FNDC1: variants seen among roughly 807,000 people sequenced by gnomAD.
FNDC1 encodes the protein fibronectin type III domain containing 1.
Under a neutral mutation model 168.0 loss-of-function variants are expected in FNDC1, and 96 were observed. The ratio of observed to expected loss-of-function variants is 0.57; its 90% CI spans 0.48 to 0.68. The LOEUF is 0.68. Ranked by LOEUF, FNDC1 falls within the 30% of genes least tolerant of loss-of-function variation. FNDC1 has a pLI of 0.00. For missense variants in FNDC1, 2,587 were observed against 2,482.1 expected (o/e 1.04, Z -0.90); for synonymous variants, 1,099 against 1,025.9 (o/e 1.07, Z -1.36).
intron 1 of FNDC1, among the ~76,000 whole-genome samples, chr6:159,177,532 G>A (rs938919189): frequency 1.3e-5 from 2 of 152,048 alleles, no homozygotes; most frequent in African/African-American, 2.4e-5. Context: ...GGCAGGGGAG[G>A]GCAGGACCTG....
chr6:159,256,247 T>C lies in FNDC1; in HGVS notation c.5066-276T>C, dbSNP rs139669394. On this transcript the variant is annotated intron_variant, in intron 17 of 22. Transcript: ENST00000297267. ...TGTGATCAAGATGAGACGTGATTAG[T>C]TCTGAGGCGATGGGGAAGGCTGGGG... Among the ~76,000 whole-genome samples the C allele has an allele frequency of 7.2e-5, 11 of 152,326 alleles. No homozygotes were observed. In the East Asian group the frequency reaches 1.9e-3, roughly 27 times the overall value.
At position 159,245,915 on chromosome 6, in the gene FNDC1, AT is replaced by A. The variant is rs1159174205; in HGVS notation, c.4622-976del. ...AGGCGCCCACCACGACGCCCGGCTA[AT>A]TTTTTTTTTGTATTTTTTTAGTAGA... On this transcript the variant is annotated intron_variant, in intron 14 of 22. Transcript: ENST00000297267. Among the ~76,000 whole-genome samples, 8 of 28,844 alleles carry A rather than the reference AT, an allele frequency of 2.8e-4. 2 individuals are homozygous for A. Among genetic ancestry groups the A allele is most frequent in the Admixed American group, 4.1e-4 (1 of 2,454 alleles). The allele number at this position is 28,844 out of a possible 152,430, so 18.9% of individuals were successfully genotyped here.
Position 159,251,491 on chromosome 6 carries a change from T to C in FNDC1, c.5024T>C (p.Ile1675Thr). 1 of 1,613,852 alleles carries C rather than the reference T, an allele frequency of 6.2e-7. No homozygotes were observed. The highest frequency in any genetic ancestry group is 8.5e-7 in the Non-Finnish European group (1 of 1,179,860). The change falls in exon 17 of 23, where the codon ATT becomes ACT. Residue 1675 changes from isoleucine to threonine, a missense_variant. Ile to Thr is a moderately conservative substitution (Grantham distance 89). Coordinates refer to ENST00000297267, the MANE Select transcript of FNDC1 (RefSeq NM_032532.3). Reference protein sequence around the residue: ...VAVEGCHSFVIVDWDKATPGD... With the variant: ...VAVEGCHSFVTVDWDKATPGD... ...GTGGAAGGTTGCCACTCATTTGTCATTGTGGACTGGGACAAAGCCACCCCA... is the reference window on the plus strand; with the variant it reads ...GTGGAAGGTTGCCACTCATTTGTCACTGTGGACTGGGACAAAGCCACCCCA...
chr6:159,235,925 A>G (rs1435002584), intron 11 of FNDC1, among the ~76,000 whole-genome samples: 4 of 152,212 alleles, frequency 2.6e-5, no homozygotes, highest in African/African-American at 2.4e-5. Context: ...TACAGCTACT[A>G]AGATCTTAAG....
intron 17 of FNDC1, among the ~76,000 whole-genome samples, chr6:159,253,062 C>T (rs1234425452): frequency 2.0e-5 from 3 of 152,188 alleles, no homozygotes; most frequent in Admixed American, 2.0e-4. Flanking sequence ...CTAGGCATTC[C>T]AAGCCATTCA....
At position 159,236,238 on chromosome 6, in the gene FNDC1, G is replaced by C; in HGVS notation, c.3991G>C (p.Glu1331Gln). 1 of 1,613,620 alleles carries C rather than the reference G, an allele frequency of 6.2e-7. No homozygotes were observed. Among genetic ancestry groups the C allele is most frequent in the Non-Finnish European group, 8.5e-7 (1 of 1,179,632 alleles). ...RQGYNGRPNVEGKVLPGSNGK... is the reference protein window; with the variant it reads ...RQGYNGRPNVQGKVLPGSNGK... ...AGGTTATAATGGCAGACCAAATGTAGAAGGGAAAGTCCTTCCTGGTAGTAA... is the reference window on the plus strand; with the variant it reads ...AGGTTATAATGGCAGACCAAATGTACAAGGGAAAGTCCTTCCTGGTAGTAA... The change falls in exon 12 of 23, where the codon GAA becomes CAA. Residue 1331 changes from glutamate to glutamine, a missense_variant. By Grantham distance (29) the Glu-to-Gln change is conservative (BLOSUM62 2). Transcript: ENST00000297267.
At chr6:159,264,535 C>A (rs1777553173) in intron 19 of FNDC1, among the ~76,000 whole-genome samples, 1 of 152,122 alleles carries the variant, frequency 6.6e-6, no homozygotes, top group Non-Finnish European at 1.5e-5. Context: ...CTATTACAAA[C>A]AAAGATGCTA....
chr6:159,244,227 G>A (rs1472044591), intron 14 of FNDC1, among the ~76,000 whole-genome samples: 1 of 152,248 alleles, frequency 6.6e-6, no homozygotes, highest in Non-Finnish European at 1.5e-5. Context: ...AAAGTTTACA[G>A]GGTGTGAACC....
rs1783191724 is a variant in FNDC1 at position 159,234,252 on chromosome 6, C to T, written c.3740C>T (p.Pro1247Leu). The change falls in exon 11 of 23, where the codon CCT becomes CTT. Residue 1247 changes from proline to leucine, a missense_variant. By Grantham distance (98) the Pro-to-Leu change is moderately conservative (BLOSUM62 -3). Transcript: ENST00000297267. Reference protein sequence around the residue: ...LAPVKRPLPPPPGSSPRASHV... With the variant: ...LAPVKRPLPPLPGSSPRASHV... Reference sequence around the variant, plus strand: ...CCTGTGAAGCGACCTCTCCCCCCACCTCCAGGCAGCTCCCCCAGGGCCTCC... The same window carrying T: ...CCTGTGAAGCGACCTCTCCCCCCACTTCCAGGCAGCTCCCCCAGGGCCTCC... 1.3e-6 allele frequency: 2 copies of T among 1,590,792 alleles called. No individual in the cohort carries two copies. Among genetic ancestry groups the T allele is most frequent in the African/African-American group, 1.3e-5 (1 of 74,304 alleles).
chr6:159,186,365 T>G (rs550722515), intron 1 of FNDC1, among the ~76,000 whole-genome samples: 9 of 152,318 alleles, frequency 5.9e-5, no homozygotes, highest in African/African-American at 2.2e-4. Context: ...GCAAACTTTG[T>G]CCATAAGGAG....
rs566526249 is a variant in FNDC1, at chr6:159,182,534, C to T, written c.109+12829C>T. Among the ~76,000 whole-genome samples, 7 of 152,322 alleles carry T rather than the reference C, an allele frequency of 4.6e-5. No homozygotes were observed. In the East Asian group the frequency reaches 1.2e-3, roughly 25 times the overall value. On this transcript the variant is annotated intron_variant, in intron 1 of 22. Coordinates refer to ENST00000297267, the MANE Select transcript of FNDC1 (RefSeq NM_032532.3). Reference sequence around the variant, plus strand: ...TAGCTTTGGGAGGACTTCCTTTCCCCTGGGCCCTGATAATGTTTCTTGTTA... The same window carrying T: ...TAGCTTTGGGAGGACTTCCTTTCCCTTGGGCCCTGATAATGTTTCTTGTTA...
At chr6:159,261,043 A>G (rs1777472034) in intron 18 of FNDC1, 147 bp from the exon 19 acceptor site, 2 of 599,864 alleles carry the variant, frequency 3.3e-6, no homozygotes, top group Admixed American at 6.6e-5. Flanking sequence ...AGAAAAAGAC[A>G]TGAAGAATCA....
At position 159,231,990 on chromosome 6, in the gene FNDC1, T is replaced by A; in HGVS notation, c.1478T>A (p.Val493Glu). The A allele has an allele frequency of 6.2e-7, 1 of 1,613,994 alleles. No individual in the cohort carries two copies. The highest frequency in any genetic ancestry group is 8.5e-7 in the Non-Finnish European group (1 of 1,179,898). Residue 493 changes from valine to glutamate, a missense_variant, in exon 11 of 23, where the codon GTG (valine) becomes GAG (glutamate). Coordinates refer to ENST00000297267, the MANE Select transcript of FNDC1 (RefSeq NM_032532.3). ...RAPASSQHPSVPASPQGRNAK... is the reference protein window; with the variant it reads ...RAPASSQHPSEPASPQGRNAK... ...CCAGCTTCCTCCCAACACCCCTCTG[T>A]GCCTGCTTCTCCCCAAGGGAGAAAT...
chr6:159,171,151 G>A (rs1781649312), intron 1 of FNDC1, among the ~76,000 whole-genome samples: 1 of 152,110 alleles, frequency 6.6e-6, no homozygotes, highest in South Asian at 2.1e-4. Context: ...CTGCACTCTT[G>A]CTTTTTCGCC....
intron 13 of FNDC1, 95 bp downstream of exon 13, chr6:159,238,760 G>T: frequency 1.2e-6 from 1 of 834,478 alleles, no homozygotes; most frequent in Middle Eastern, 2.4e-4. Flanking sequence ...TATAATGAAT[G>T]GTCATGGGTT....
Position 159,169,578 on chromosome 6 carries a change from G to C in FNDC1, c.-19G>C. ...CTGCCAGCCGCAAGCACCCAGCCCC[G>C]GCCCACCCCGGGCTCTCGATGGCCC... On this transcript the variant is annotated 5_prime_UTR_variant, in exon 1 of 23. Coordinates refer to ENST00000297267, the MANE Select transcript of FNDC1 (RefSeq NM_032532.3). The surrounding 1 kb of genome is among the most constrained non-coding windows in gnomAD (Gnocchi z 6.8). 1.9e-6 allele frequency: 2 copies of C among 1,027,144 alleles called. No individual in the cohort carries two copies. The highest frequency in any genetic ancestry group is 2.4e-6 in the Non-Finnish European group (2 of 839,760). The allele number at this position is 1,027,144 out of a possible 1,614,324, so 63.6% of individuals were successfully genotyped here.
intron 1 of FNDC1, among the ~76,000 whole-genome samples, chr6:159,178,050 A>G (rs1781802127): frequency 6.6e-6 from 1 of 152,176 alleles, no homozygotes. Flanking sequence ...CCCCTGACAA[A>G]CAGAGCCATG....
At position 159,248,367 on chromosome 6, in the gene FNDC1, G is replaced by A. The variant is rs111579560; in HGVS notation, c.4691-672G>A. On this transcript the variant is annotated intron_variant, in intron 15 of 22. Coordinates refer to ENST00000297267, the MANE Select transcript of FNDC1 (RefSeq NM_032532.3). ...TGTCTCCAGGCTGGAGTGCGGTGGCGTGATCTTGGCTCACGGCAACCTCTG... is the reference window on the plus strand; with the variant it reads ...TGTCTCCAGGCTGGAGTGCGGTGGCATGATCTTGGCTCACGGCAACCTCTG... Among the ~76,000 whole-genome samples the A allele has an allele frequency of 9.4e-3, 1,428 of 151,920 alleles. 24 individuals carry two copies. The highest frequency in any genetic ancestry group is 0.033 in the African/African-American group (1,363 of 41,400).
At chr6:159,224,192 C>G (rs1782903998) in intron 7 of FNDC1, among the ~76,000 whole-genome samples, 1 of 152,186 alleles carries the variant, frequency 6.6e-6, no homozygotes, top group South Asian at 2.1e-4. Flanking sequence ...TCTCTTAAAC[C>G]ATGATGTTAT....
Sources: gnomAD v4.1 joint callset for allele counts (sites outside exome capture counted in the v4.1 genomes callset) on GRCh38, gnomAD v4.1.1 for gene constraint, Gnocchi (gnomAD v3.1) non-coding constraint, MANE v1.5 for transcripts, NCBI Gene and HGNC (gene_info 2026-07-23, HGNC 2026-07-21) for gene names.